GLIS3: variants seen among roughly 807,000 people sequenced by gnomAD.
The protein encoded by GLIS3 is GLIS family zinc finger 3.
In GLIS3, 53 loss-of-function variants were observed where a neutral mutation model predicts 78.6. That is an observed-to-expected ratio of 0.67 (90% CI 0.54 to 0.85). GLIS3 has a LOEUF of 0.85. GLIS3 is among the 40% of genes least tolerant of loss of function. The pLI, the probability that GLIS3 is intolerant of heterozygous loss-of-function variation, is 0.00. For missense variants in GLIS3, 1,703 were observed against 1,231.1 expected (o/e 1.38, Z -5.74); for synonymous variants, 684 against 509.9 (o/e 1.34, Z -4.60).
chr9:3,940,974 G>A (rs1421064601), intron 4 of GLIS3, among the ~76,000 whole-genome samples: 5 of 152,146 alleles, frequency 3.3e-5, no homozygotes, highest in Admixed American at 6.5e-5. Context: ...GACGAGCAAC[G>A]CTGGCATCGC....
chr9:4,126,448 C>A (rs1397449015), intron 2 of GLIS3, among the ~76,000 whole-genome samples: 1 of 151,804 alleles, frequency 6.6e-6, no homozygotes, highest in Non-Finnish European at 1.5e-5. Context: ...TTTTTCTCCT[C>A]ATCTCAACAC....
chr9:3,841,104 C>G (rs895890191), intron 9 of GLIS3, among the ~76,000 whole-genome samples: 10 of 152,154 alleles, frequency 6.6e-5, no homozygotes, highest in African/African-American at 2.4e-4. Flanking sequence ...GCTTAAAGCA[C>G]TCTTGATTAA....
intron 4 of GLIS3, among the ~76,000 whole-genome samples, chr9:4,046,128 G>A (rs1228056319): frequency 6.6e-6 from 1 of 152,104 alleles, no homozygotes; most frequent in Admixed American, 6.5e-5. Flanking sequence ...TATTTTATAA[G>A]GTCTCTTATG....
chr9:4,163,659 C>T (rs1835675077), intron 2 of GLIS3, among the ~76,000 whole-genome samples: 1 of 152,200 alleles, frequency 6.6e-6, no homozygotes, highest in African/African-American at 2.4e-5. Context: ...GCGGGCCAGT[C>T]ATTGAGTAGC....
chr9:3,932,908 T>A, intron 5 of GLIS3: 1 of 325,662 alleles, frequency 3.1e-6, no homozygotes, highest in Non-Finnish European at 6.2e-6. Flanking sequence ...TGGGTATTTT[T>A]CAGAAGAAAC....
chr9:4,003,577 C>T (rs1000099337), intron 4 of GLIS3, among the ~76,000 whole-genome samples: 8 of 152,188 alleles, frequency 5.3e-5, no homozygotes, highest in Non-Finnish European at 1.2e-4. Context: ...AAGCTTCCAA[C>T]GATTCCTTCT....
chr9:4,193,503 T>G (rs1031106262), intron 2 of GLIS3, among the ~76,000 whole-genome samples: 1 of 152,230 alleles, frequency 6.6e-6, no homozygotes, highest in African/African-American at 2.4e-5. Flanking sequence ...ATCAGTAAGA[T>G]GGCTTCTGTA....
chr9:4,365,727 C>G, the GLIS3 span, among the ~76,000 whole-genome samples: 2 of 152,146 alleles, frequency 1.3e-5, no homozygotes, highest in African/African-American at 4.8e-5. Flanking sequence ...AAGCTCTGCT[C>G]CAACTCACCC....
At chr9:4,370,555 C>G in the GLIS3 span, among the ~76,000 whole-genome samples, 76 of 152,112 alleles carry the variant, frequency 5.0e-4, no homozygotes, top group African/African-American at 1.6e-3. Context: ...CTCTTTTTCT[C>G]TGGATCATGA....
chr9:4,199,551 C>A (rs1819174840), intron 2 of GLIS3, among the ~76,000 whole-genome samples: 1 of 149,322 alleles, frequency 6.7e-6, no homozygotes. Flanking sequence ...CAAAACAGGA[C>A]CAAAAAAGGT....
At chr9:4,202,052 T>C (rs894405858) in intron 2 of GLIS3, among the ~76,000 whole-genome samples, 90 of 151,930 alleles carry the variant, frequency 5.9e-4, no homozygotes, top group African/African-American at 2.1e-3. Flanking sequence ...GCAGGAAAAC[T>C]GCTTGAACCC....
intron 1 of GLIS3, among the ~76,000 whole-genome samples, chr9:4,289,002 T>A (rs532009812): frequency 6.6e-6 from 1 of 152,332 alleles, no homozygotes; most frequent in East Asian, 1.9e-4. Flanking sequence ...GATAATATTT[T>A]CTATACTTTT....
the GLIS3 span, among the ~76,000 whole-genome samples, chr9:4,426,158 A>G: frequency 6.6e-6 from 1 of 152,146 alleles, no homozygotes; most frequent in South Asian, 2.1e-4. Context: ...TCCAGAAAAG[A>G]TTTTAAAACC....
intron 2 of GLIS3, among the ~76,000 whole-genome samples, chr9:4,266,978 T>C (rs1826070128): frequency 6.6e-6 from 1 of 152,214 alleles, no homozygotes; most frequent in African/African-American, 2.4e-5. Context: ...AACCCGTTTA[T>C]GGAAATACTT....
chr9:4,215,423 T>G (rs756612499), intron 2 of GLIS3, among the ~76,000 whole-genome samples: 1 of 152,150 alleles, frequency 6.6e-6, no homozygotes, highest in South Asian at 2.1e-4. Context: ...CCCCTCTTTT[T>G]AAATCATGAT....
chr9:3,877,687 A>G (rs1821408662), intron 8 of GLIS3, among the ~76,000 whole-genome samples: 1 of 152,188 alleles, frequency 6.6e-6, no homozygotes, highest in African/African-American at 2.4e-5. Context: ...CTCCACATAT[A>G]TATTAATGAT....
At chr9:4,415,780 T>G in the GLIS3 span, among the ~76,000 whole-genome samples, 1 of 139,498 alleles carries the variant, frequency 7.2e-6, no homozygotes, top group South Asian at 2.4e-4. Flanking sequence ...TATACATATT[T>G]TTTAAAAAAT....
chr9:3,994,084 AT>A (rs1820545249), intron 4 of GLIS3, among the ~76,000 whole-genome samples: 1 of 152,150 alleles, frequency 6.6e-6, no homozygotes, highest in Non-Finnish European at 1.5e-5. Flanking sequence ...AAGAATCTGC[AT>A]TTTTTAAAAG....
chr9:3,902,574 A>AGG (rs970607656), intron 6 of GLIS3, among the ~76,000 whole-genome samples: 3 of 152,178 alleles, frequency 2.0e-5, no homozygotes, highest in African/African-American at 7.2e-5. Flanking sequence ...GACAGGAGGG[A>AGG]GGGTCTTTAC....
Sources: allele counts gnomAD v4.1 joint callset (sites outside exome capture counted in the v4.1 genomes callset), GRCh38; gene constraint gnomAD v4.1.1; transcripts MANE v1.5; gene names NCBI Gene and HGNC (gene_info 2026-07-23, HGNC 2026-07-21).